The following GRM8 variants were observed in gnomAD, a reference collection of about 807,000 sequenced individuals.
GRM8 encodes metabotropic glutamate receptor 8.
In GRM8, 47 loss-of-function variants were observed where a neutral mutation model predicts 87.2. The observed-to-expected ratio is 0.54, with a 90% CI of 0.43 to 0.69. The LOEUF (loss-of-function observed/expected upper bound fraction) is 0.69, where lower values mean the gene tolerates loss of function less well. GRM8 is among the 30% of genes least tolerant of loss of function. GRM8 has a pLI of 0.00. For synonymous variants in GRM8, 396 were observed against 404.5 expected, an observed-to-expected ratio of 0.98 and a Z score of 0.25; for missense variants, 1,019 against 1,139.2, an observed-to-expected ratio of 0.89 and a Z score of 1.52.
chr7:126,475,132 G>C (rs79923573), intron 9 of GRM8, among the ~76,000 whole-genome samples: 1 of 151,890 alleles, frequency 6.6e-6, no homozygotes, highest in African/African-American at 2.4e-5. Flanking sequence ...TGTAACCAAA[G>C]CAATTATGCA....
chr7:127,071,280 T>A (rs1223580291), intron 3 of GRM8, among the ~76,000 whole-genome samples: 1 of 152,210 alleles, frequency 6.6e-6, no homozygotes, highest in Admixed American at 6.5e-5. Context: ...TTTGAAAAAA[T>A]GTCCTAGTTT....
At chr7:126,547,505 A>C (rs1817290241) in intron 8 of GRM8, among the ~76,000 whole-genome samples, 1 of 151,958 alleles carries the variant, frequency 6.6e-6, no homozygotes, top group Non-Finnish European at 1.5e-5. Flanking sequence ...AATAAATTAT[A>C]ATTCTGGATA....
chr7:126,886,371 A>AT (rs1253590888), intron 6 of GRM8, among the ~76,000 whole-genome samples: 5 of 152,088 alleles, frequency 3.3e-5, no homozygotes, highest in African/African-American at 9.7e-5. Flanking sequence ...CACATTTTCA[A>AT]TTTTTTCTCC....
At chr7:126,654,281 C>T (rs1259754067) in intron 7 of GRM8, among the ~76,000 whole-genome samples, 1 of 152,190 alleles carries the variant, frequency 6.6e-6, no homozygotes, top group Non-Finnish European at 1.5e-5. Flanking sequence ...ATTCAAATCC[C>T]TGGGTTCTGC....
intron 9 of GRM8, among the ~76,000 whole-genome samples, chr7:126,475,364 T>C (rs961005092): frequency 1.3e-5 from 2 of 152,168 alleles, no homozygotes; most frequent in South Asian, 2.1e-4. Flanking sequence ...AAAAATTCTA[T>C]GTGCCATCAC....
At chr7:126,508,777 T>C (rs1481926218) in intron 9 of GRM8, among the ~76,000 whole-genome samples, 1 of 152,054 alleles carries the variant, frequency 6.6e-6, no homozygotes, top group Non-Finnish European at 1.5e-5. Flanking sequence ...TAATCTAGCA[T>C]GTGTTTTGAA....
intron 2 of GRM8, among the ~76,000 whole-genome samples, chr7:127,107,089 G>T (rs183661705): frequency 6.6e-6 from 1 of 152,146 alleles, no homozygotes; most frequent in African/African-American, 2.4e-5. Flanking sequence ...CATCAGAAAA[G>T]GTCACCTCTG....
At chr7:126,611,947 T>G (rs1399386390) in intron 7 of GRM8, among the ~76,000 whole-genome samples, 1 of 152,208 alleles carries the variant, frequency 6.6e-6, no homozygotes, top group Admixed American at 6.5e-5. Context: ...TGACATTGTA[T>G]TAAGGTGCAA....
intron 3 of GRM8, among the ~76,000 whole-genome samples, chr7:127,000,338 C>A (rs374486114): frequency 5.9e-5 from 9 of 151,462 alleles, no homozygotes; most frequent in Admixed American, 2.6e-4. Flanking sequence ...TTTGATAGCA[C>A]AAAAGGGTGA....
At chr7:127,021,719 T>A (rs1052754651) in intron 3 of GRM8, among the ~76,000 whole-genome samples, 4 of 152,222 alleles carry the variant, frequency 2.6e-5, no homozygotes, top group African/African-American at 9.6e-5. Context: ...GGACCTCAGC[T>A]ATTGACATAA....
At chr7:126,464,463 A>T (rs1038829431) in intron 9 of GRM8, among the ~76,000 whole-genome samples, 6 of 151,638 alleles carry the variant, frequency 4.0e-5, no homozygotes, top group Non-Finnish European at 7.4e-5. Flanking sequence ...TAGCCTATTT[A>T]CATTCAATGT....
intron 9 of GRM8, among the ~76,000 whole-genome samples, chr7:126,462,186 C>T (rs1026233592): frequency 6.6e-6 from 1 of 151,266 alleles, no homozygotes; most frequent in Non-Finnish European, 1.5e-5. Flanking sequence ...AGAATGTGAA[C>T]TTTTCCAAGT....
intron 9 of GRM8, among the ~76,000 whole-genome samples, chr7:126,500,178 G>A (rs1376019806): frequency 6.6e-6 from 1 of 151,832 alleles, no homozygotes; most frequent in Non-Finnish European, 1.5e-5. Context: ...TAGTCCTCCT[G>A]TCTTACTGAA....
In GRM8 at chr7:126,882,283, T is replaced by C. The variant is rs189217377; in HGVS notation, c.1156+20259A>G. 9.4e-3 allele frequency among the ~76,000 whole-genome samples: 1,427 copies of C among 152,274 alleles called. 13 individuals carry two copies. Among genetic ancestry groups the C allele is most frequent in the Non-Finnish European group, 0.013 (879 of 68,012 alleles). On this transcript the variant is annotated intron_variant, in intron 6 of 10. Transcript: ENST00000339582. ...AATGTTTTATGTATTTGGATTGACC[T>C]AGAAATTTATAGCTTCAGGTTTTTG...
chr7:126,950,814 A>G (rs1421919523), intron 3 of GRM8, among the ~76,000 whole-genome samples: 1 of 152,164 alleles, frequency 6.6e-6, no homozygotes, highest in African/African-American at 2.4e-5. Flanking sequence ...AGTAAGTTGT[A>G]AAAGTCAAAA....
intron 3 of GRM8, among the ~76,000 whole-genome samples, chr7:126,906,456 C>G (rs1802686436): frequency 6.6e-6 from 1 of 152,154 alleles, no homozygotes; most frequent in Non-Finnish European, 1.5e-5. Flanking sequence ...ACTGGGATTA[C>G]TCTGCACATG....
intron 2 of GRM8, among the ~76,000 whole-genome samples, chr7:127,129,095 T>C (rs2133214974): frequency 6.6e-6 from 1 of 152,316 alleles, no homozygotes; most frequent in Non-Finnish European, 1.5e-5. Flanking sequence ...ATAAATGATA[T>C]GTAGGAATGT....
intron 2 of GRM8, among the ~76,000 whole-genome samples, chr7:127,127,140 C>A (rs559339234): frequency 1.3e-5 from 2 of 151,946 alleles, no homozygotes; most frequent in South Asian, 4.1e-4. Context: ...TTGCTACAAC[C>A]ACTTTTGAAA....
intron 10 of GRM8, among the ~76,000 whole-genome samples, chr7:126,444,173 G>A (rs1483070940): frequency 1.3e-5 from 2 of 152,028 alleles, no homozygotes; most frequent in Admixed American, 6.6e-5. Flanking sequence ...GCCAACAGCA[G>A]TTTATTGGCA....
Sources: allele counts gnomAD v4.1 joint callset (sites outside exome capture counted in the v4.1 genomes callset), GRCh38; gene constraint gnomAD v4.1.1; transcripts MANE v1.5; gene names NCBI Gene and HGNC (gene_info 2026-07-23, HGNC 2026-07-21).